The following HIP1 variants were observed in gnomAD, a reference collection of about 807,000 sequenced individuals.
The protein encoded by HIP1 is huntingtin-interacting protein 1.
A neutral mutation model predicts 147.6 loss-of-function variants in HIP1; 65 were observed. The ratio of observed to expected loss-of-function variants is 0.44; its 90% CI spans 0.36 to 0.54. HIP1 has a LOEUF of 0.54. Among genes scored for constraint, HIP1 ranks in the 20% least tolerant of loss-of-function variants. The pLI is 0.00. For synonymous variants in HIP1, 479 were observed against 504.0 expected, an observed-to-expected ratio of 0.95 and a Z score of 0.67; for missense variants, 1,061 against 1,299.6, an observed-to-expected ratio of 0.82 and a Z score of 2.82.
In HIP1 at chr7:75,555,467, C is replaced by T. The variant is rs138838220; in HGVS notation, c.1912G>A (p.Ala638Thr). ...RKAAEQVIQD[A>T]LNQLEEPPLI... Reference sequence around the variant, plus strand: ...GGAGGTTCTTCAAGCTGGTTCAGGGCGTCTTGTATCACCTGCTCCGCAGCC... The same window carrying T: ...GGAGGTTCTTCAAGCTGGTTCAGGGTGTCTTGTATCACCTGCTCCGCAGCC... Residue 638 changes from alanine (A) to threonine (T), a missense_variant, in exon 19 of 31, where the codon GCC (alanine) becomes ACC (threonine). By Grantham distance (58) the Ala-to-Thr change is moderately conservative. This residue lies in a region of HIP1 where 810 missense variants were observed against 946.8 expected (regional missense o/e 0.86). Transcript: ENST00000336926. 38 of 1,614,002 alleles carry T rather than the reference C, an allele frequency of 2.4e-5. No homozygotes were observed. Among genetic ancestry groups the T allele is most frequent in the South Asian group, 1.1e-5 (1 of 91,090 alleles).
At chr7:75,559,663 T>C (rs1795148073) in intron 14 of HIP1, 69 bp downstream of exon 14, 2 of 1,277,666 alleles carry the variant, frequency 1.6e-6, no homozygotes, top group Admixed American at 2.7e-5. Flanking sequence ...TGCCGCATCC[T>C]GAGTCCAGCT....
At chr7:75,593,888 C>A (rs1554501234) in intron 2 of HIP1, among the ~76,000 whole-genome samples, 3 of 152,046 alleles carry the variant, frequency 2.0e-5, no homozygotes, top group Non-Finnish European at 4.4e-5. Flanking sequence ...TCTCTCCACA[C>A]CTTAAATTCC....
At chr7:75,671,529 G>A (rs1799729988) in intron 1 of HIP1, among the ~76,000 whole-genome samples, 1 of 152,140 alleles carries the variant, frequency 6.6e-6, no homozygotes, top group Non-Finnish European at 1.5e-5. Flanking sequence ...GAACGTGGAT[G>A]TACAAATATC....
At chr7:75,701,655 G>T (rs1554519187) in intron 1 of HIP1, among the ~76,000 whole-genome samples, 4 of 152,096 alleles carry the variant, frequency 2.6e-5, no homozygotes, top group Non-Finnish European at 5.9e-5. Flanking sequence ...TTTGAGATCA[G>T]ACTGGGCAAC....
At chr7:75,573,969 C>G in intron 7 of HIP1, 68 bp from the exon 8 acceptor site, 1 of 1,445,032 alleles carries the variant, frequency 6.9e-7, no homozygotes, top group Non-Finnish European at 9.6e-7. Context: ...TTCAGAGGGG[C>G]AGAGGCAGGG....
intron 1 of HIP1, among the ~76,000 whole-genome samples, chr7:75,719,339 C>A (rs1554520913): frequency 2.0e-5 from 3 of 151,722 alleles, no homozygotes; most frequent in Non-Finnish European, 2.9e-5. Context: ...CCCGTCTCTA[C>A]TAAAAATACA....
intron 29 of HIP1, among the ~76,000 whole-genome samples, chr7:75,540,931 G>T (rs1195772470): frequency 2.0e-5 from 3 of 152,130 alleles, no homozygotes; most frequent in African/African-American, 7.2e-5. Flanking sequence ...TGGATAACAT[G>T]TAAAGGAACG....
chr7:75,687,158 T>C (rs1459493691), intron 1 of HIP1, among the ~76,000 whole-genome samples: 4 of 152,156 alleles, frequency 2.6e-5, no homozygotes, highest in Admixed American at 1.3e-4. Flanking sequence ...TAATGAAAGG[T>C]AGTGGAACTT....
chr7:75,679,998 T>A (rs73143002), intron 1 of HIP1, among the ~76,000 whole-genome samples: 10,771 of 152,252 alleles, frequency 0.071, 628 homozygotes, highest in Admixed American at 0.19. Flanking sequence ...TCACATCTCC[T>A]CAATGAACAA....
At chr7:75,641,218 A>C (rs1028044902) in intron 1 of HIP1, among the ~76,000 whole-genome samples, 9 of 152,074 alleles carry the variant, frequency 5.9e-5, no homozygotes, top group Non-Finnish European at 1.2e-4. Flanking sequence ...AGGCAGGAGA[A>C]TCGCTTGAGC....
At chr7:75,694,156 G>A (rs1800551860) in intron 1 of HIP1, among the ~76,000 whole-genome samples, 1 of 152,000 alleles carries the variant, frequency 6.6e-6, no homozygotes. Context: ...CTAACCTCGT[G>A]ATCCACCCAC....
intron 7 of HIP1, among the ~76,000 whole-genome samples, chr7:75,575,621 C>T (rs1795817591): frequency 6.6e-6 from 1 of 152,020 alleles, no homozygotes; most frequent in South Asian, 2.1e-4. Context: ...GACAAAGTTG[C>T]TCCCTCAATT....
intron 1 of HIP1, among the ~76,000 whole-genome samples, chr7:75,704,661 C>T (rs1554519505): frequency 2.6e-5 from 4 of 152,212 alleles, no homozygotes; most frequent in Admixed American, 1.3e-4. Context: ...CGACTCACTG[C>T]AACCTCCACC....
rs201813763 is a variant in HIP1 at position 75,738,908 on chromosome 7, C to G, written c.13G>C (p.Ala5Pro). The G allele has an allele frequency of 5.8e-6, 9 of 1,553,678 alleles. No homozygotes were observed. Among genetic ancestry groups the G allele is most frequent in the Non-Finnish European group, 7.8e-6 (9 of 1,151,038 alleles). Residue 5 changes from alanine (A) to proline (P), a missense_variant, in exon 1 of 31, where the codon GCC (alanine) becomes CCC (proline). This residue lies in a region of HIP1 where 225 missense variants were observed against 292.9 expected (regional missense o/e 0.77). Transcript: ENST00000336926. The part of the protein sequence containing the change: MDRM[A>P]SSMKQVPNPL... Reference sequence around the variant, plus strand: ...TTGGGCACCTGCTTCATGGAGCTGGCCATCCGATCCATGTCGCCGCGAGGA... The same window carrying G: ...TTGGGCACCTGCTTCATGGAGCTGGGCATCCGATCCATGTCGCCGCGAGGA...
chr7:75,588,825 AAAAT>A (rs782032970), intron 4 of HIP1, among the ~76,000 whole-genome samples: 2 of 152,136 alleles, frequency 1.3e-5, no homozygotes, highest in Non-Finnish European at 2.9e-5. Flanking sequence ...GATTTGAAAA[AAAAT>A]AAATAAATAG....
chr7:75,637,995 C>CACACAT (rs1798497780), intron 1 of HIP1, among the ~76,000 whole-genome samples: 7 of 49,122 alleles, frequency 1.4e-4, no homozygotes, highest in African/African-American at 8.2e-4. Flanking sequence ...CCCCCCCCCA[C>CACACAT]ACACACACAT....
At chr7:75,716,468 C>T (rs559755273) in intron 1 of HIP1, among the ~76,000 whole-genome samples, 7 of 151,074 alleles carry the variant, frequency 4.6e-5, no homozygotes, top group Non-Finnish European at 7.4e-5. Flanking sequence ...GACAATCCGC[C>T]GCCTCAGCCT....
intron 1 of HIP1, among the ~76,000 whole-genome samples, chr7:75,650,769 A>G (rs996956270): frequency 1.3e-5 from 2 of 152,244 alleles, no homozygotes; most frequent in East Asian, 3.9e-4. Context: ...AGAAGCATGG[A>G]CCAGGCTGAG....
At chr7:75,738,753 G>GCGT in intron 1 of HIP1, 48 bp downstream of exon 1, 1 of 1,578,096 alleles carries the variant, frequency 6.3e-7, no homozygotes, top group Non-Finnish European at 8.6e-7. Flanking sequence ...CCCGGACACC[G>GCGT]CGTCCCTCAG....
Sources: allele counts gnomAD v4.1 joint callset (sites outside exome capture counted in the v4.1 genomes callset), GRCh38; gene constraint gnomAD v4.1.1; regional missense constraint gnomAD v4.1.1; transcripts MANE v1.5; gene names NCBI Gene and HGNC (gene_info 2026-07-23, HGNC 2026-07-21).